Variants in PDE10A observed in about 807,000 individuals in gnomAD.
PDE10A encodes the protein phosphodiesterase 10A.
Under a neutral mutation model 97.7 loss-of-function variants are expected in PDE10A, and 39 were observed. The ratio of observed to expected loss-of-function variants is 0.40; its 90% confidence interval spans 0.31 to 0.52. The LOEUF (loss-of-function observed/expected upper bound fraction) is 0.52. Ranked by LOEUF, PDE10A falls within the 20% of genes least tolerant of loss-of-function variation. The pLI is 0.56. For missense variants in PDE10A, 731 were observed against 1,047.8 expected, an observed-to-expected ratio of 0.70 and a Z score of 4.17; for synonymous variants, 371 against 376.8, an observed-to-expected ratio of 0.98 and a Z score of 0.18.
chr6:165,901,809 A>C lies in PDE10A; in HGVS notation c.-615+85720T>G, dbSNP rs557558523. Among the ~76,000 whole-genome samples the C allele has an allele frequency of 2.0e-5, 3 of 152,236 alleles. No individual in the cohort carries two copies. The South Asian group carries it at 6.2e-4, about 32-fold the overall frequency. On this transcript the variant is annotated intron_variant, in intron 1 of 19. Coordinates refer to the PDE10A transcript ENST00000366882. ...GAGTGAAACTCCATCTCAAAAAAAA[A>C]AAGAAAAGAATTTGTTTTTCTCATT...
At position 165,330,391 on chromosome 6, in the gene PDE10A, AC is replaced by A. The variant is rs1439841753; in HGVS notation, c.*2633del. The A allele has an allele frequency of 1.1e-4, 17 of 152,310 alleles. No homozygotes were observed. The highest frequency in any genetic ancestry group is 3.8e-4 in the African/African-American group (16 of 41,576). 9.4% of individuals were successfully genotyped at this position (152,310 alleles called of 1,614,324 possible). On this transcript the variant is annotated 3_prime_UTR_variant, in exon 22 of 22. Transcript: ENST00000539869. ...CTGTCTCCTAAACATCTGACAAAAT[AC>A]AAAAATACTCCTAACTGCATGTTTT...
At chr6:165,392,352 TGTTTATATCCCTTCAGAACATTTAA>T (rs1441332731) in intron 16 of PDE10A, among the ~76,000 whole-genome samples, 1 of 152,208 alleles carries the variant, frequency 6.6e-6, no homozygotes, top group African/African-American at 2.4e-5. Flanking sequence ...TAAAATTCAC[TGTTTATATCCCTTCAGAACATTTAA>T]GCTTTAACAG....
chr6:165,657,338 A>G (rs1277809496), intron 1 of PDE10A, among the ~76,000 whole-genome samples: 1 of 152,270 alleles, frequency 6.6e-6, no homozygotes, highest in Non-Finnish European at 1.5e-5. Context: ...TAGAGAAATG[A>G]TCAGCTGGAG....
chr6:165,605,969 T>A (rs1787187009), intron 1 of PDE10A, among the ~76,000 whole-genome samples: 1 of 152,102 alleles, frequency 6.6e-6, no homozygotes, highest in African/African-American at 2.4e-5. Context: ...AATATCCTTA[T>A]TTTCTCATGG....
In PDE10A at chr6:165,928,483, G is replaced by A. The variant is rs376052170; in HGVS notation, c.-615+59046C>T. On this transcript the variant is annotated intron_variant, in intron 1 of 19. Transcript: ENST00000366882. The stretch of plus-strand genomic sequence containing the variant: ...CCACTGTTTAACCGCCAGGCATGGG[G>A]TGTGAGCTGCTCAGCCCCTCATGCT... Among the ~76,000 whole-genome samples the A allele has an allele frequency of 7.9e-5, 12 of 152,304 alleles. No homozygotes were observed. The East Asian group carries it at 1.3e-3, about 17-fold the overall frequency.
intron 1 of PDE10A, among the ~76,000 whole-genome samples, chr6:165,632,851 A>C (rs1333428187): frequency 6.6e-6 from 1 of 152,122 alleles, no homozygotes; most frequent in Non-Finnish European, 1.5e-5. Context: ...TCTGTGGGAG[A>C]TCATTTTGCC....
At chr6:165,724,891 G>A (rs970481551) in intron 1 of PDE10A, among the ~76,000 whole-genome samples, 12 of 152,224 alleles carry the variant, frequency 7.9e-5, no homozygotes, top group African/African-American at 2.7e-4. Flanking sequence ...TCAGGGATGA[G>A]GACAGAGTCA....
rs1354574661 is a variant in PDE10A, at chr6:165,588,411, C to T, written c.866-44843G>A. On this transcript the variant is annotated intron_variant, in intron 1 of 21. Coordinates refer to ENST00000539869, the MANE Select transcript of PDE10A (RefSeq NM_001385079.1). ...GTTCAAGCAATTCTCCTGCCTCAGC[C>T]TCTAGAGTAGCTGGGATTACAGTCA... Among the ~76,000 whole-genome samples, 3 of 151,040 alleles carry T rather than the reference C, an allele frequency of 2.0e-5. No individual in the cohort carries two copies. In the Admixed American group the frequency reaches 2.0e-4, roughly 10 times the overall value.
At chr6:165,868,882 TG>T (rs1427286033) in intron 1 of PDE10A, among the ~76,000 whole-genome samples, 4 of 150,420 alleles carry the variant, frequency 2.7e-5, no homozygotes, top group Non-Finnish European at 4.4e-5. Context: ...AATCAATAAA[TG>T]AGAGACATCA....
rs994441003 is a variant in PDE10A, at chr6:165,753,343, C to T, written c.-614-209775G>A. ...CTCTTCACAATGATCCCCGTATGTA[C>T]GTGGGTGGGGTCCACTTTCAGACTC... is the stretch of plus-strand genomic sequence containing the variant. On this transcript the variant is annotated intron_variant, in intron 1 of 19. Transcript: ENST00000366882. 4.6e-5 allele frequency among the ~76,000 whole-genome samples: 7 copies of T among 152,250 alleles called. No individual in the cohort carries two copies. The South Asian group carries it at 1.0e-3, about 23-fold the overall frequency.
At chr6:165,980,677 G>A (rs371876465) in intron 1 of PDE10A, among the ~76,000 whole-genome samples, 5 of 152,306 alleles carry the variant, frequency 3.3e-5, no homozygotes, top group East Asian at 1.9e-4. Flanking sequence ...CCAGGGTCAC[G>A]TAGGTGACAT....
chr6:165,450,045 G>T (rs1791174257), intron 4 of PDE10A, among the ~76,000 whole-genome samples, 197 bp downstream of exon 4: 1 of 152,148 alleles, frequency 6.6e-6, no homozygotes, highest in Admixed American at 6.5e-5. Context: ...ACTTATTTGG[G>T]ATTAGACAAT....
chr6:165,738,474 C>T (rs555163657), intron 1 of PDE10A, among the ~76,000 whole-genome samples: 34 of 151,262 alleles, frequency 2.2e-4, no homozygotes, highest in Admixed American at 6.6e-4. Context: ...AGTAAACATA[C>T]GTGTGCATGT....
At chr6:165,374,600 GA>G (rs1258235730) in intron 18 of PDE10A, among the ~76,000 whole-genome samples, 5 of 152,188 alleles carry the variant, frequency 3.3e-5, no homozygotes, top group Admixed American at 6.5e-5. Flanking sequence ...TATTTACTGA[GA>G]AAAGGTTTTC....
chr6:165,842,075 G>A (rs1188142720), intron 1 of PDE10A, among the ~76,000 whole-genome samples: 1 of 152,140 alleles, frequency 6.6e-6, no homozygotes, highest in Non-Finnish European at 1.5e-5. Flanking sequence ...ACCTAACCAG[G>A]CGAATTGTGT....
chr6:165,929,186 G>T (rs1783044779), intron 1 of PDE10A, among the ~76,000 whole-genome samples: 1 of 152,178 alleles, frequency 6.6e-6, no homozygotes, highest in Non-Finnish European at 1.5e-5. Context: ...CGGTAAACTG[G>T]TAAAGACGTG....
intron 6 of PDE10A, among the ~76,000 whole-genome samples, chr6:165,434,064 A>T (rs1222458671): frequency 1.3e-5 from 2 of 151,400 alleles, no homozygotes; most frequent in African/African-American, 4.9e-5. Flanking sequence ...AATTGAATGA[A>T]TTAATATCAA....
At chr6:165,349,468 T>C (rs906189150) in intron 18 of PDE10A, among the ~76,000 whole-genome samples, 1 of 152,188 alleles carries the variant, frequency 6.6e-6, no homozygotes, top group Admixed American at 6.5e-5. Context: ...AAGAAATTTC[T>C]AAGTGGCAAA....
chr6:165,585,800 T>G (rs1390248798), intron 1 of PDE10A, among the ~76,000 whole-genome samples: 3 of 152,152 alleles, frequency 2.0e-5, no homozygotes, highest in African/African-American at 7.2e-5. Flanking sequence ...TAAAACATAG[T>G]AAGAAAAGAA....
Sources: gnomAD v4.1 joint callset for allele counts (sites outside exome capture counted in the v4.1 genomes callset) on GRCh38, gnomAD v4.1.1 for gene constraint, MANE v1.5 for transcripts, NCBI Gene and HGNC (gene_info 2026-07-23, HGNC 2026-07-21) for gene names.